Variants in RALGAPA2 observed in about 807,000 individuals in gnomAD.
The protein encoded by RALGAPA2 is Ral GTPase activating protein catalytic subunit alpha 2.
RALGAPA2 carries 139 observed loss-of-function variants against 230.4 expected under a neutral mutation model. The ratio of observed to expected loss-of-function variants is 0.60; its 90% CI spans 0.53 to 0.69. The LOEUF (loss-of-function observed/expected upper bound fraction) is 0.69. Ranked by LOEUF, RALGAPA2 falls within the 30% of genes least tolerant of loss-of-function variation. The probability of loss-of-function intolerance (pLI) is 0.00; values close to 1 mark genes in which losing one functional copy is unlikely to be tolerated. For synonymous variants in RALGAPA2, 847 were observed against 837.8 expected (o/e 1.01, Z -0.19); for missense variants, 2,163 against 2,276.0 (o/e 0.95, Z 1.01).
chr20:20,458,471 T>G (rs901387406), intron 37 of RALGAPA2, among the ~76,000 whole-genome samples: 1 of 136,182 alleles, frequency 7.3e-6, no homozygotes, highest in Non-Finnish European at 1.5e-5. Flanking sequence ...TTTTATATAA[T>G]ATATAATATA....
chr20:20,536,714 G>C lies in RALGAPA2; in HGVS notation c.3356C>G (p.Pro1119Arg). The change falls in exon 25 of 40, where the codon CCT (proline) becomes CGT (arginine). Residue 1119 changes from proline to arginine, a missense_variant. Pro to Arg is a moderately radical substitution (Grantham distance 103). Coordinates refer to ENST00000202677, the MANE Select transcript of RALGAPA2 (RefSeq NM_020343.4). ...VCFPNTYQEI[P>R]LLQSVPEVNE... ...TACTTCTGGCACTGACTGCAGTAAA[G>C]GAATCTCCTGGTAGGTATTTGGAAA... 6.2e-7 allele frequency: 1 copy of C among 1,613,136 alleles called. No homozygotes were observed. The highest frequency in any genetic ancestry group is 8.5e-7 in the Non-Finnish European group (1 of 1,179,328).
In RALGAPA2 at chr20:20,553,473, G is replaced by GCCTGGGAAAGCGAT. The variant is rs1167358993; in HGVS notation, c.3157-6642_3157-6641insATCGCTTTCCCAGG. Among the ~76,000 whole-genome samples, 7 of 152,200 alleles carry GCCTGGGAAAGCGAT rather than the reference G, an allele frequency of 4.6e-5. No homozygotes were observed. The East Asian group carries it at 1.4e-3, about 29-fold the overall frequency. On this transcript the variant is annotated intron_variant, in intron 23 of 39. Coordinates refer to ENST00000202677, the MANE Select transcript of RALGAPA2 (RefSeq NM_020343.4). ...AAGATGAGATGGGAGGATCGCTTGA[G>GCCTGGGAAAGCGAT]CCTGGGACATCAAGGCTGCAATGAG...
At chr20:20,626,760 C>G (rs1337308315) in intron 10 of RALGAPA2, among the ~76,000 whole-genome samples, 2 of 152,208 alleles carry the variant, frequency 1.3e-5, no homozygotes, top group African/African-American at 4.8e-5. Flanking sequence ...AGCAAACCAT[C>G]CAGCCTGCTG....
rs1284176973 is a variant in RALGAPA2, at chr20:20,524,809, CTTAG to C, written c.3762+17_3762+20del. 5 of 1,553,310 alleles carry C rather than the reference CTTAG, an allele frequency of 3.2e-6. No homozygotes were observed. Among genetic ancestry groups the C allele is most frequent in the Admixed American group, 2.1e-5 (1 of 48,006 alleles). The stretch of plus-strand genomic sequence containing the variant: ...TAAAATAAAAAAACTATAGGAAAAA[CTTAG>C]TTAATGTGCCACCTACCTTCTTGTC... On this transcript the variant is annotated intron_variant, in intron 29 of 39. Coordinates refer to ENST00000202677, the MANE Select transcript of RALGAPA2 (RefSeq NM_020343.4).
At chr20:20,662,346 C>A (rs7265216) in intron 3 of RALGAPA2, among the ~76,000 whole-genome samples, 1 of 151,658 alleles carries the variant, frequency 6.6e-6, no homozygotes, top group Non-Finnish European at 1.5e-5. Context: ...TTTTAACACT[C>A]GAGTTAAAAA....
chr20:20,469,167 C>T (rs114675440), intron 37 of RALGAPA2, among the ~76,000 whole-genome samples: 4,242 of 152,132 alleles, frequency 0.028, 139 homozygotes, highest in East Asian at 0.15. Flanking sequence ...TAAATGTTGA[C>T]GAATGCTAAC....
At chr20:20,671,656 T>C (rs1319941667) in intron 3 of RALGAPA2, among the ~76,000 whole-genome samples, 1 of 152,216 alleles carries the variant, frequency 6.6e-6, no homozygotes, top group African/African-American at 2.4e-5. Flanking sequence ...GAAAGTTTTA[T>C]GAAGCCTTGA....
chr20:20,493,436 T>C (rs1417194220), intron 36 of RALGAPA2, among the ~76,000 whole-genome samples: 1 of 152,216 alleles, frequency 6.6e-6, no homozygotes, highest in East Asian at 1.9e-4. Flanking sequence ...TGTGCAAACA[T>C]TTTATAAGAA....
intron 16 of RALGAPA2, among the ~76,000 whole-genome samples, chr20:20,595,356 C>T (rs536609150): frequency 6.6e-6 from 1 of 152,160 alleles, no homozygotes; most frequent in Non-Finnish European, 1.5e-5. Flanking sequence ...TGATACCAAT[C>T]TGATCCTATA....
chr20:20,556,228 G>C (rs2064079362), intron 23 of RALGAPA2, among the ~76,000 whole-genome samples: 1 of 152,150 alleles, frequency 6.6e-6, no homozygotes, highest in African/African-American at 2.4e-5. Context: ...CAAGTCCTTT[G>C]CTATGTGAAC....
intron 36 of RALGAPA2, among the ~76,000 whole-genome samples, chr20:20,490,752 T>C (rs1237153381): frequency 1.3e-5 from 2 of 152,092 alleles, no homozygotes; most frequent in Non-Finnish European, 2.9e-5. Flanking sequence ...GTGCAAATGC[T>C]CTTGTAACTT....
intron 35 of RALGAPA2, among the ~76,000 whole-genome samples, chr20:20,502,137 CTTGT>C (rs888911645): frequency 2.6e-5 from 4 of 152,146 alleles, no homozygotes; most frequent in African/African-American, 9.7e-5. Context: ...TGCCAATAGA[CTTGT>C]TTGATTAAGG....
chr20:20,609,538 A>AAG (rs2065917230), intron 14 of RALGAPA2, among the ~76,000 whole-genome samples: 1 of 152,088 alleles, frequency 6.6e-6, no homozygotes, highest in Non-Finnish European at 1.5e-5. Context: ...CCAACCAAAA[A>AAG]CAAAACAAAA....
At chr20:20,543,180 G>T (rs1246862640) in intron 24 of RALGAPA2, among the ~76,000 whole-genome samples, 1 of 152,052 alleles carries the variant, frequency 6.6e-6, no homozygotes, top group Non-Finnish European at 1.5e-5. Flanking sequence ...GAGTAGCTGG[G>T]ACTACAGGCA....
intron 1 of RALGAPA2, among the ~76,000 whole-genome samples, chr20:20,684,926 A>G (rs2068647070): frequency 1.3e-5 from 2 of 152,336 alleles, no homozygotes; most frequent in South Asian, 2.1e-4. Context: ...CAAAATCTAG[A>G]ATCATTTCTT....
At chr20:20,482,690 C>G (rs1043246945) in intron 36 of RALGAPA2, among the ~76,000 whole-genome samples, 1 of 152,100 alleles carries the variant, frequency 6.6e-6, no homozygotes, top group Non-Finnish European at 1.5e-5. Flanking sequence ...AAGGACTGCA[C>G]AGAGCTCCTG....
intron 35 of RALGAPA2, among the ~76,000 whole-genome samples, chr20:20,498,644 C>G (rs773289247): frequency 3.9e-5 from 6 of 152,198 alleles, no homozygotes; most frequent in Non-Finnish European, 7.3e-5. Context: ...GTTCAGCTGA[C>G]AGTGTGCCCA....
Position 20,619,257 on chromosome 20 carries a change from T to C in RALGAPA2, c.1539+20A>G, listed in dbSNP as rs766957768. ...GCTGTAGGCGGTGGAGGGGTCTTCA[T>C]GTCCTGGCCAGCCACATACCTGCAA... On this transcript the variant is annotated intron_variant, in intron 12 of 39. Transcript: ENST00000202677. 3.2e-6 allele frequency: 5 copies of C among 1,580,542 alleles called. No homozygotes were observed. Among genetic ancestry groups the C allele is most frequent in the South Asian group, 2.4e-5 (2 of 85,090 alleles).
At chr20:20,509,121 AGGAG>A (rs1276633155) in intron 33 of RALGAPA2, among the ~76,000 whole-genome samples, 1 of 152,208 alleles carries the variant, frequency 6.6e-6, no homozygotes, top group Admixed American at 6.5e-5. Flanking sequence ...TACTGAAGGA[AGGAG>A]GGAGAGTGTG....
Sources: gnomAD v4.1 joint callset for allele counts (sites outside exome capture counted in the v4.1 genomes callset) on GRCh38, gnomAD v4.1.1 for gene constraint, MANE v1.5 for transcripts, NCBI Gene and HGNC (gene_info 2026-07-23, HGNC 2026-07-21) for gene names.